The following STAT2 variants were observed in gnomAD, a reference collection of about 807,000 sequenced individuals.
The protein encoded by STAT2 is signal transducer and activator of transcription 2.
In STAT2, 51 loss-of-function variants were observed where a neutral mutation model predicts 122.3. That is an observed-to-expected ratio of 0.42 (90% CI 0.33 to 0.53). The LOEUF is 0.53. Ranked by LOEUF, STAT2 falls within the 20% of genes least tolerant of loss-of-function variation. The pLI, the probability that STAT2 is intolerant of heterozygous loss-of-function variation, is 0.10. For synonymous variants in STAT2, 351 were observed against 394.9 expected (o/e 0.89, Z 1.32); for missense variants, 736 against 1,010.3 (o/e 0.73, Z 3.68).
chr12:56,354,024 TATATATATATATATATAAAA>T (rs1165402753), intron 8 of STAT2, among the ~76,000 whole-genome samples: 1 of 49,450 alleles, frequency 2.0e-5, no homozygotes, highest in Non-Finnish European at 3.7e-5. Flanking sequence ...AAAATATATA[TATATATATATATATATAAAA>T]AATACTGTTA....
Position 56,350,178 on chromosome 12 carries a change from G to T in STAT2, c.1128C>A (p.Phe376Leu). Residue 376 changes from phenylalanine (F) to leucine (L), a missense_variant, in exon 13 of 24, where the codon TTC becomes TTA. By Grantham distance (22) the Phe-to-Leu change is conservative. Transcript: ENST00000314128. ...TTTTCTGGTTTGAAGTCAGAATGTT[G>T]AACTTCCGGAAGCTGTTCCAGGAGG... ...NPPQLQGFRK[F>L]NILTSNQKTL... 6.2e-7 allele frequency: 1 copy of T among 1,611,732 alleles called. No individual in the cohort carries two copies. The highest frequency in any genetic ancestry group is 1.1e-5 in the South Asian group (1 of 91,026).
In STAT2 at chr12:56,343,602, G is replaced by A. The variant is rs948956057; in HGVS notation, c.2414-71C>T. 24 of 1,570,934 alleles carry A rather than the reference G, an allele frequency of 1.5e-5. No homozygotes were observed. The Admixed American group carries it at 4.1e-4, about 27-fold the overall frequency. On this transcript the variant is annotated intron_variant, in intron 23 of 23. Transcript: ENST00000314128. ...GTTCCCAACCCAGCAGGGAAAGGGA[G>A]GGAGGATGGCAGGAAAGGCCTGGGA...
At chr12:56,359,456 A>C (rs1432182397) in intron 1 of STAT2, among the ~76,000 whole-genome samples, 3 of 152,098 alleles carry the variant, frequency 2.0e-5, no homozygotes, top group African/African-American at 7.2e-5. Context: ...TGAGGATTTA[A>C]GTGTCTGATA....
At chr12:56,345,495 C>CA (rs1194953634) in intron 22 of STAT2, among the ~76,000 whole-genome samples, 189 of 4,584 alleles carry the variant, frequency 0.041, 55 homozygotes, top group Non-Finnish European at 0.05. Context: ...GACCCTGTCT[C>CA]AAAAAAAAAA....
In STAT2 at chr12:56,356,142, C is replaced by T. The variant is rs146096134; in HGVS notation, c.275G>A (p.Arg92Gln). 56 of 1,613,690 alleles carry T rather than the reference C, an allele frequency of 3.5e-5. No homozygotes were observed. Among genetic ancestry groups the T allele is most frequent in the Middle Eastern group, 1.6e-4 (1 of 6,074 alleles). ...LLQHNLRKFC[R>Q]DIQPFSQDPT... The stretch of plus-strand genomic sequence containing the variant: ...AACCGTTCCAAGTACCTGAATGTCC[C>T]GGCAGAATTTCCGCAAATTGTGCTG... The change falls in exon 3 of 24, where the codon CGG (arginine) becomes CAG (glutamine). Residue 92 changes from arginine (R) to glutamine (Q), a missense_variant. Physicochemically the swap from Arg to Gln is conservative, Grantham distance 43. Transcript: ENST00000314128.
intron 8 of STAT2, among the ~76,000 whole-genome samples, chr12:56,354,010 A>ATATATATATATATATATATAT (rs1555171450): frequency 1.0e-4 from 2 of 19,618 alleles, no homozygotes; most frequent in Non-Finnish European, 2.8e-4. Context: ...AAAAAAAAAA[A>ATATATATATATATATATATAT]AAAAAAATAT....
At position 56,343,862 on chromosome 12, in the gene STAT2, G is replaced by A. The variant is rs1470259312; in HGVS notation, c.2376C>T (p.Pro792=). 3.7e-6 allele frequency: 6 copies of A among 1,614,232 alleles called. No individual in the cohort carries two copies. Among genetic ancestry groups the A allele is most frequent in the Non-Finnish European group, 5.1e-6 (6 of 1,180,042 alleles). The change falls in exon 23 of 24, where the codon CCC becomes CCT. Residue 792 remains proline, a synonymous_variant. Transcript: ENST00000314128. ...VSQPVPEPDL[P]CDLRHLNTEP... is the part of the protein sequence containing the mutation. ...CAGTGTTCAAATGTCTCAGATCACA[G>A]GGCAAATCTGGCTCTGGCACTGGCT...
rs200918874 is a variant in STAT2 at position 56,346,169 on chromosome 12, G to A, written c.2079C>T (p.His693=). ...NLQERRKYLK[H]RLIVVSNRQV... Reference sequence around the variant, plus strand: ...ACCTATTAGAGACCACAATGAGCCTGTGTTTCAGGTATTTCCTCCGTTCCT... The same window carrying A: ...ACCTATTAGAGACCACAATGAGCCTATGTTTCAGGTATTTCCTCCGTTCCT... Residue 693 remains histidine (H), a synonymous_variant, in exon 22 of 24, where the codon CAC becomes CAT. Coordinates refer to ENST00000314128, the MANE Select transcript of STAT2 (RefSeq NM_005419.4). 1.2e-6 allele frequency: 2 copies of A among 1,614,108 alleles called. No homozygotes were observed. Among genetic ancestry groups the A allele is most frequent in the Non-Finnish European group, 1.7e-6 (2 of 1,180,044 alleles).
intron 22 of STAT2, among the ~76,000 whole-genome samples, chr12:56,344,650 C>A (rs938747673): frequency 6.6e-6 from 1 of 152,122 alleles, no homozygotes; most frequent in Non-Finnish European, 1.5e-5. Context: ...GCGGGCAGAT[C>A]ACTTGAGGCC....
At chr12:56,349,345 C>T (rs773203799) in intron 15 of STAT2, 81 bp downstream of exon 15, 1 of 1,613,906 alleles carries the variant, frequency 6.2e-7, no homozygotes, top group South Asian at 1.1e-5. Flanking sequence ...GCTAACCCAC[C>T]CCAAGAGGCT....
chr12:56,343,626 G>A, intron 23 of STAT2, 95 bp from the exon 24 acceptor site: 2 of 1,545,566 alleles, frequency 1.3e-6, no homozygotes, highest in South Asian at 1.2e-5. Flanking sequence ...AAAGGCCTGG[G>A]AAGAGCCTGA....
chr12:56,356,273 T>C lies in STAT2; in HGVS notation c.144A>G (p.Ala48=). 1.2e-6 allele frequency: 2 copies of C among 1,611,536 alleles called. No individual in the cohort carries two copies. The highest frequency in any genetic ancestry group is 1.7e-6 in the Non-Finnish European group (2 of 1,179,996). The change falls in exon 3 of 24, where the codon GCA becomes GCG. Residue 48 remains alanine (A), a synonymous_variant. Coordinates refer to ENST00000314128, the MANE Select transcript of STAT2 (RefSeq NM_005419.4). The part of the protein sequence containing the change: ...WIEDQNWQEA[A]LGSDDSKATM... ...TAGCCTTGGAATCATCACTCCCAAGTGCAGCTTCCTGCCTGGGCACCAGGA... is the reference window on the plus strand; with the variant it reads ...TAGCCTTGGAATCATCACTCCCAAGCGCAGCTTCCTGCCTGGGCACCAGGA...
chr12:56,355,807 G>A lies in STAT2; in HGVS notation c.286-4C>T. ...GGGTAGGATCCTGGGAAAAGGGCTAGAATAGGTAAACAGAAAGGATTGATC... is the reference window on the plus strand; with the variant it reads ...GGGTAGGATCCTGGGAAAAGGGCTAAAATAGGTAAACAGAAAGGATTGATC... On this transcript the variant is annotated splice_polypyrimidine_tract_variant and splice_region_variant and intron_variant, in intron 3 of 23. Coordinates refer to ENST00000314128, the MANE Select transcript of STAT2 (RefSeq NM_005419.4). 1.2e-6 allele frequency: 2 copies of A among 1,613,150 alleles called. No homozygotes were observed. Among genetic ancestry groups the A allele is most frequent in the Non-Finnish European group, 1.7e-6 (2 of 1,179,094 alleles).
At position 56,354,853 on chromosome 12, in the gene STAT2, G is replaced by A; in HGVS notation, c.558C>T (p.Pro186=). The A allele has an allele frequency of 6.2e-7, 1 of 1,614,112 alleles. No individual in the cohort carries two copies. Among genetic ancestry groups the A allele is most frequent in the Non-Finnish European group, 8.5e-7 (1 of 1,179,996 alleles). The change falls in exon 7 of 24, where the codon CCC becomes CCT. Residue 186 remains proline, a synonymous_variant. Transcript: ENST00000314128. ...CTTTGGTCTGATGGGGGTCCAGAGA[G>A]GGTGTCTTCCCTGGATGGTGGGAAC... is the stretch of plus-strand genomic sequence containing the variant. ...RYKIQAKGKT[P]SLDPHQTKEQ... is the part of the protein sequence containing the mutation.
intron 22 of STAT2, among the ~76,000 whole-genome samples, chr12:56,344,988 A>AT (rs1217897727): frequency 6.8e-6 from 1 of 148,122 alleles, no homozygotes; most frequent in Non-Finnish European, 1.5e-5. Context: ...AGCCTGGGCA[A>AT]CAGGGCGAGA....
intron 7 of STAT2, 58 bp from the exon 8 acceptor site, chr12:56,354,672 A>G (rs927033310): frequency 1.2e-6 from 2 of 1,612,372 alleles, no homozygotes; most frequent in African/African-American, 2.7e-5. Flanking sequence ...CCACCACCCA[A>G]CTGGGGATGA....
At chr12:56,348,853 T>C in intron 17 of STAT2, 49 bp from the exon 18 acceptor site, 1 of 1,614,052 alleles carries the variant, frequency 6.2e-7, no homozygotes, top group South Asian at 1.1e-5. Flanking sequence ...CCAGGGGTCC[T>C]GGGATAGATA....
chr12:56,348,568 T>C lies in STAT2; in HGVS notation c.1685A>G (p.Glu562Gly). Reference protein sequence around the residue: ...PFWTWLDKILELVHDHLKDLW... With the variant: ...PFWTWLDKILGLVHDHLKDLW... Reference sequence around the variant, plus strand: ...ATCCTTCAGGTGGTCATGTACCAACTCCAGAATTTTGTCCAGCCATGTCCA... The same window carrying C: ...ATCCTTCAGGTGGTCATGTACCAACCCCAGAATTTTGTCCAGCCATGTCCA... The change falls in exon 19 of 24, where the codon GAG becomes GGG. Residue 562 changes from glutamate to glycine, a missense_variant. Glu to Gly is a moderately conservative substitution (Grantham distance 98, BLOSUM62 -2). Coordinates refer to ENST00000314128, the MANE Select transcript of STAT2 (RefSeq NM_005419.4). The C allele has an allele frequency of 6.2e-7, 1 of 1,614,078 alleles. No individual in the cohort carries two copies. Among genetic ancestry groups the C allele is most frequent in the Non-Finnish European group, 8.5e-7 (1 of 1,180,020 alleles).
chr12:56,360,020 C>T (rs555572234), intron 1 of STAT2, 38 bp downstream of exon 1: 4 of 983,658 alleles, frequency 4.1e-6, no homozygotes, highest in Non-Finnish European at 3.6e-6. Flanking sequence ...CACTCTCACC[C>T]CCACCCCTAC....
Sources: allele counts gnomAD v4.1 joint callset (sites outside exome capture counted in the v4.1 genomes callset), GRCh38; gene constraint gnomAD v4.1.1; transcripts MANE v1.5; gene names NCBI Gene and HGNC (gene_info 2026-07-23, HGNC 2026-07-21).